Variants in MPEG1 observed in about 807,000 individuals in gnomAD.
The protein encoded by MPEG1 is macrophage-expressed gene 1 protein.
For synonymous variants in MPEG1, 365 were observed against 351.9 expected (o/e 1.04, Z -0.42); for missense variants, 876 against 880.3 (o/e 1.00, Z 0.06).
rs2135533066 is a variant in MPEG1 at position 59,212,613 on chromosome 11, A to G, written c.253T>C (p.Phe85Leu). 3 of 1,614,198 alleles carry G rather than the reference A, an allele frequency of 1.9e-6. No individual in the cohort carries two copies. The highest frequency in any genetic ancestry group is 3.3e-4 in the Middle Eastern group (2 of 6,062). Reference sequence around the variant, plus strand: ...TTGCTCTGTTTCTGGGGAATGGTGAAGATTTCATCAGGGATGATATACTGT... The same window carrying G: ...TTGCTCTGTTTCTGGGGAATGGTGAGGATTTCATCAGGGATGATATACTGT... ...DGQYIIPDEI[F>L]TIPQKQSNLE... The change falls in exon 1 of 1, where the codon TTC becomes CTC. Residue 85 changes from phenylalanine (F) to leucine (L), a missense_variant. By Grantham distance (22) the Phe-to-Leu change is conservative. Transcript: ENST00000361050.
chr11:59,211,849 C>A lies in MPEG1; in HGVS notation c.1017G>T (p.Lys339Asn), dbSNP rs182852785. Residue 339 changes from lysine (K) to asparagine (N), a missense_variant, in exon 1 of 1, where the codon AAG (lysine) becomes AAT (asparagine). Physicochemically the swap from Lys to Asn is moderately conservative, Grantham distance 94. Transcript: ENST00000361050. ...GGTAGGTGTTGAATGTATAATAGCG[C>A]TTCACAGCAGTTTCCACTGTCTTTG... is the stretch of plus-strand genomic sequence containing the variant. Reference protein sequence around the residue: ...KVSKTVETAVKRYYTFNTYPG... With the variant: ...KVSKTVETAVNRYYTFNTYPG... The A allele has an allele frequency of 6.2e-7, 1 of 1,613,892 alleles. No individual in the cohort carries two copies. Among genetic ancestry groups the A allele is most frequent in the Non-Finnish European group, 8.5e-7 (1 of 1,179,764 alleles).
At position 59,211,089 on chromosome 11, in the gene MPEG1, G is replaced by A; in HGVS notation, c.1777C>T (p.Leu593Phe). The change falls in exon 1 of 1, where the codon CTC becomes TTC. Residue 593 changes from leucine to phenylalanine, a missense_variant. Physicochemically the swap from Leu to Phe is conservative, Grantham distance 22. Transcript: ENST00000361050. ...FTGGSLPPAR[L>F]PPFTRPPLMS... is the part of the protein sequence containing the mutation. ...AGGGGTGGCCGGGTGAAAGGTGGGA[G>A]CCTGGCAGGGGGCAGGGACCCTCCT... 2 of 1,614,202 alleles carry A rather than the reference G, an allele frequency of 1.2e-6. No homozygotes were observed. Among genetic ancestry groups the A allele is most frequent in the Admixed American group, 1.7e-5 (1 of 60,032 alleles).
rs777609577 is a variant in MPEG1, at chr11:59,211,370, G to T, written c.1496C>A (p.Ala499Asp). ...AAAGAGTCTCAGTGGAAAGTAGCCG[G>T]CTGGGCATGACTGTGCATTTGTCAT... is the stretch of plus-strand genomic sequence containing the variant. Reference protein sequence around the residue: ...NPMTNAQSCPAGYFPLRLFEN... With the variant: ...NPMTNAQSCPDGYFPLRLFEN... Residue 499 changes from alanine (A) to aspartate (D), a missense_variant, in exon 1 of 1, where the codon GCC (alanine) becomes GAC (aspartate). Coordinates refer to ENST00000361050, the MANE Select transcript of MPEG1 (RefSeq NM_001039396.2). 1 of 1,614,192 alleles carries T rather than the reference G, an allele frequency of 6.2e-7. No homozygotes were observed. The highest frequency in any genetic ancestry group is 1.1e-5 in the South Asian group (1 of 91,078).
Position 59,210,182 on chromosome 11 carries a change from G to C in MPEG1, c.*533C>G, listed in dbSNP as rs956891130. On this transcript the variant is annotated 3_prime_UTR_variant, in exon 1 of 1. Coordinates refer to ENST00000361050, the MANE Select transcript of MPEG1 (RefSeq NM_001039396.2). Reference sequence around the variant, plus strand: ...CTTTTCAGATGTTTGAGGTCACCCAGAGGAGATAACAGTCTGTCAACATAG... The same window carrying C: ...CTTTTCAGATGTTTGAGGTCACCCACAGGAGATAACAGTCTGTCAACATAG... 1 of 153,850 alleles carries C rather than the reference G, an allele frequency of 6.5e-6. No individual in the cohort carries two copies. Among genetic ancestry groups the C allele is most frequent in the Non-Finnish European group, 1.4e-5 (1 of 69,338 alleles). The allele number at this position is 153,850 out of a possible 1,614,324, so 9.5% of individuals were successfully genotyped here. A position where few individuals can be genotyped will look rare whatever the true frequency, so the allele number is the denominator to read the frequency against.
In MPEG1 at chr11:59,212,610, T is replaced by G; in HGVS notation, c.256A>C (p.Thr86Pro). Residue 86 changes from threonine to proline, a missense_variant, in exon 1 of 1, where the codon ACC becomes CCC. Physicochemically the swap from Thr to Pro is conservative, Grantham distance 38. Transcript: ENST00000361050. ...GQYIIPDEIF[T>P]IPQKQSNLEM... is the part of the protein sequence containing the mutation. ...AGGTTGCTCTGTTTCTGGGGAATGG[T>G]GAAGATTTCATCAGGGATGATATAC... is the stretch of plus-strand genomic sequence containing the variant. 6.2e-7 allele frequency: 1 copy of G among 1,614,252 alleles called. No homozygotes were observed. Among genetic ancestry groups the G allele is most frequent in the Non-Finnish European group, 8.5e-7 (1 of 1,180,052 alleles).
Position 59,212,036 on chromosome 11 carries a change from C to G in MPEG1, c.830G>C (p.Ser277Thr). Residue 277 changes from serine to threonine, a missense_variant, in exon 1 of 1, where the codon AGC (serine) becomes ACC (threonine). By Grantham distance (58) the Ser-to-Thr change is moderately conservative. Coordinates refer to ENST00000361050, the MANE Select transcript of MPEG1 (RefSeq NM_001039396.2). ...LSNRTNSRVQSIGGVPFYPGI... is the reference protein window; with the variant it reads ...LSNRTNSRVQTIGGVPFYPGI... ...TGGGTAAAAAGGAACCCCTCCAATG[C>G]TCTGCACCCTGGAGTTGGTTCGGTT... 6.2e-7 allele frequency: 1 copy of G among 1,611,466 alleles called. No homozygotes were observed. The highest frequency in any genetic ancestry group is 8.5e-7 in the Non-Finnish European group (1 of 1,178,650).
rs183721976 is a variant in MPEG1 at position 59,211,465 on chromosome 11, G to A, written c.1401C>T (p.Ala467=). Residue 467 remains alanine (A), a synonymous_variant, in exon 1 of 1, where the codon GCC becomes GCT. Coordinates refer to ENST00000361050, the MANE Select transcript of MPEG1 (RefSeq NM_001039396.2). ...CTGAGTTTTCAGGTACTTGGCTGCT[G>A]GCCACACACCAAAAAGCCCTAAATT... ...KAEFRAFWCV[A]SSQVPENSGL... The A allele has an allele frequency of 7.2e-4, 1,157 of 1,614,180 alleles. 7 individuals are homozygous for A. The African/African-American group carries it at 0.013, about 18-fold the overall frequency.
rs1239952607 is a variant in MPEG1 at position 59,211,587 on chromosome 11, C to G, written c.1279G>C (p.Glu427Gln). The G allele has an allele frequency of 5.6e-6, 9 of 1,614,040 alleles. No homozygotes were observed. The highest frequency in any genetic ancestry group is 7.6e-6 in the Non-Finnish European group (9 of 1,180,036). ...SPVHLLSQIH[E>Q]EGYNHLECHR... ...CACTCCAGGTGGTTGTAACCCTCCT[C>G]GTGGATCTGGGATAACAGGTGCACC... is the stretch of plus-strand genomic sequence containing the variant. The change falls in exon 1 of 1, where the codon GAG becomes CAG. Residue 427 changes from glutamate (E) to glutamine (Q), a missense_variant. Glu to Gln is a conservative substitution (Grantham distance 29, BLOSUM62 2). Coordinates refer to ENST00000361050, the MANE Select transcript of MPEG1 (RefSeq NM_001039396.2).
chr11:59,210,946 C>T lies in MPEG1; in HGVS notation c.1920G>A (p.Arg640=). 1.2e-6 allele frequency: 2 copies of T among 1,614,130 alleles called. No homozygotes were observed. The highest frequency in any genetic ancestry group is 1.7e-6 in the Non-Finnish European group (2 of 1,180,020). ...CATCCCCATGGATGACATTCATGGC[C>T]CTCCGCAGCTCTATCGGTTCTCCCA... ...WRLGEPIELR[R]AMNVIHGDGG... is the part of the protein sequence containing the mutation. Residue 640 remains arginine, a synonymous_variant, in exon 1 of 1, where the codon AGG becomes AGA. Coordinates refer to ENST00000361050, the MANE Select transcript of MPEG1 (RefSeq NM_001039396.2).
At position 59,211,665 on chromosome 11, in the gene MPEG1, C is replaced by T. The variant is rs528545112; in HGVS notation, c.1201G>A (p.Glu401Lys). Residue 401 changes from glutamate to lysine, a missense_variant, in exon 1 of 1, where the codon GAG (glutamate) becomes AAG (lysine). Coordinates refer to ENST00000361050, the MANE Select transcript of MPEG1 (RefSeq NM_001039396.2). The part of the protein sequence containing the change: ...NRDVLLCQKL[E>K]QKNPLTGDFS... ...TCACCAGTGAGTGGATTCTTCTGCT[C>T]CAACTTTTGGCAGAGGAGGACATCC... is the stretch of plus-strand genomic sequence containing the variant. The T allele has an allele frequency of 1.9e-6, 3 of 1,614,112 alleles. No homozygotes were observed. The highest frequency in any genetic ancestry group is 2.5e-6 in the Non-Finnish European group (3 of 1,180,014).
At position 59,211,580 on chromosome 11, in the gene MPEG1, C is replaced by A; in HGVS notation, c.1286G>T (p.Gly429Val). The part of the protein sequence containing the change: ...VHLLSQIHEE[G>V]YNHLECHRKC... ...TCGATGACACTCCAGGTGGTTGTAA[C>A]CCTCCTCGTGGATCTGGGATAACAG... Residue 429 changes from glycine to valine, a missense_variant, in exon 1 of 1, where the codon GGT (glycine) becomes GTT (valine). Transcript: ENST00000361050. 6.2e-7 allele frequency: 1 copy of A among 1,614,028 alleles called. No individual in the cohort carries two copies. The highest frequency in any genetic ancestry group is 8.5e-7 in the Non-Finnish European group (1 of 1,179,950).
At position 59,212,392 on chromosome 11, in the gene MPEG1, T is replaced by G; in HGVS notation, c.474A>C (p.Thr158=). 1 of 1,614,190 alleles carries G rather than the reference T, an allele frequency of 6.2e-7. No individual in the cohort carries two copies. The highest frequency in any genetic ancestry group is 8.5e-7 in the Non-Finnish European group (1 of 1,179,994). Residue 158 remains threonine (T), a synonymous_variant, in exon 1 of 1, where the codon ACA becomes ACC. Transcript: ENST00000361050. ...GCTCTAAAGTTGGGTTGATTTTGAC[T>G]GTGTAGACGAGGTTTCTTACCTGAA... ...TRVQVRNLVY[T]VKINPTLELS... is the part of the protein sequence containing the mutation.
rs1273233927 is a variant in MPEG1 at position 59,211,398 on chromosome 11, G to A, written c.1468C>T (p.Pro490Ser). The A allele has an allele frequency of 6.2e-7, 1 of 1,614,188 alleles. No homozygotes were observed. The highest frequency in any genetic ancestry group is 1.1e-5 in the South Asian group (1 of 91,084). The change falls in exon 1 of 1, where the codon CCC (proline) becomes TCC (serine). Residue 490 changes from proline to serine, a missense_variant. Physicochemically the swap from Pro to Ser is moderately conservative, Grantham distance 74 (BLOSUM62 -1). Transcript: ENST00000361050. ...GGLFSSKSIN[P>S]MTNAQSCPAG... ...GGGCATGACTGTGCATTTGTCATGG[G>A]GTTTATGCTCTTGCTGCTGAAGAGG...
At position 59,210,054 on chromosome 11, in the gene MPEG1, A is replaced by T. The variant is rs1202786023; in HGVS notation, c.*661T>A. The T allele has an allele frequency of 6.6e-6, 1 of 152,212 alleles. No individual in the cohort carries two copies. Among genetic ancestry groups the T allele is most frequent in the Non-Finnish European group, 1.5e-5 (1 of 68,058 alleles). The allele number at this position is 152,212 out of a possible 1,614,324, so 9.4% of individuals were successfully genotyped here. On this transcript the variant is annotated 3_prime_UTR_variant, in exon 1 of 1. Coordinates refer to ENST00000361050, the MANE Select transcript of MPEG1 (RefSeq NM_001039396.2). ...TTAAAATAACTTAAAATATTTTCTG[A>T]GGACTTGATGACACCAGTCAGAAGT...
Position 59,210,586 on chromosome 11 carries a change from C to T in MPEG1, c.*129G>A. 1 of 800,150 alleles carries T rather than the reference C, an allele frequency of 1.2e-6. No individual in the cohort carries two copies. The highest frequency in any genetic ancestry group is 2.0e-6 in the Non-Finnish European group (1 of 499,298). The allele number at this position is 800,150 out of a possible 1,614,324, so 49.6% of individuals were successfully genotyped here. ...CATGTAACAGTATGAATTTCCTGGC[C>T]CAGAGACCTAAACAAGAAGTCACGA... On this transcript the variant is annotated 3_prime_UTR_variant, in exon 1 of 1. Transcript: ENST00000361050.
chr11:59,211,281 C>G lies in MPEG1; in HGVS notation c.1585G>C (p.Gly529Arg). 1 of 1,614,134 alleles carries G rather than the reference C, an allele frequency of 6.2e-7. No individual in the cohort carries two copies. Among genetic ancestry groups the G allele is most frequent in the Non-Finnish European group, 8.5e-7 (1 of 1,180,020 alleles). ...CCAACTGTGCAGCTAAAGAACCCGC[C>G]AAAGGGGACCGCAAACCTGCTTCCC... ...ELGSRFAVPF[G>R]GFFSCTVGNP... Residue 529 changes from glycine (G) to arginine (R), a missense_variant, in exon 1 of 1, where the codon GGC (glycine) becomes CGC (arginine). Gly to Arg is a moderately radical substitution (Grantham distance 125). Coordinates refer to ENST00000361050, the MANE Select transcript of MPEG1 (RefSeq NM_001039396.2).
In MPEG1 at chr11:59,212,418, C is replaced by T. The variant is rs199996617; in HGVS notation, c.448G>A (p.Val150Ile). The change falls in exon 1 of 1, where the codon GTT becomes ATT. Residue 150 changes from valine (V) to isoleucine (I), a missense_variant. Physicochemically the swap from Val to Ile is conservative, Grantham distance 29. Transcript: ENST00000361050. ...GTGTAGACGAGGTTTCTTACCTGAA[C>T]TCGGGTAGTTATAGCTTGGTCCTTC... is the stretch of plus-strand genomic sequence containing the variant. ...QVKDQAITTR[V>I]QVRNLVYTVK... The T allele has an allele frequency of 7.6e-4, 1,227 of 1,613,794 alleles. 1 individual carries two copies. Among genetic ancestry groups the T allele is most frequent in the Non-Finnish European group, 9.6e-4 (1,135 of 1,179,952 alleles).
Position 59,210,705 on chromosome 11 carries a change from G to T in MPEG1, c.*10C>A. ...ACTGGAGATGAGAGAAACCATTTTC[G>T]GGGAGAGATTTAAGCTGGACTCTGC... is the stretch of plus-strand genomic sequence containing the variant. On this transcript the variant is annotated 3_prime_UTR_variant, in exon 1 of 1. Transcript: ENST00000361050. 1 of 1,607,994 alleles carries T rather than the reference G, an allele frequency of 6.2e-7. No homozygotes were observed. The highest frequency in any genetic ancestry group is 8.5e-7 in the Non-Finnish European group (1 of 1,176,028).
chr11:59,212,654 C>A lies in MPEG1; in HGVS notation c.212G>T (p.Arg71Met), dbSNP rs1199708707. ...GATATACTGTCCATCCTCTGTTGTC[C>A]TGCAGTTGGAGTAAGTCAATTCCAT... Reference protein sequence around the residue: ...RVMELTYSNCRTTEDGQYIIP... With the variant: ...RVMELTYSNCMTTEDGQYIIP... Residue 71 changes from arginine to methionine, a missense_variant, in exon 1 of 1, where the codon AGG becomes ATG. Transcript: ENST00000361050. The A allele has an allele frequency of 6.2e-7, 1 of 1,614,224 alleles. No individual in the cohort carries two copies. Among genetic ancestry groups the A allele is most frequent in the Admixed American group, 1.7e-5 (1 of 60,026 alleles).
Sources: allele counts gnomAD v4.1 joint callset, GRCh38; gene constraint gnomAD v4.1.1; transcripts MANE v1.5; gene names NCBI Gene and HGNC (gene_info 2026-07-23, HGNC 2026-07-21).